The following DYSF variants were observed in gnomAD, a reference collection of about 807,000 sequenced individuals.
DYSF encodes dystrophy-associated fer-1-like 1.
DYSF carries 212 observed loss-of-function variants against 274.9 expected under a neutral mutation model. That is an observed-to-expected ratio of 0.77 (90% CI 0.69 to 0.86). The LOEUF is 0.86. DYSF is among the 40% of genes least tolerant of loss of function. The pLI is 0.00. For missense variants in DYSF, 2,666 were observed against 2,783.2 expected (o/e 0.96, Z 0.95); for synonymous variants, 1,091 against 1,078.7 (o/e 1.01, Z -0.22).
intron 52 of DYSF, among the ~76,000 whole-genome samples, chr2:71,675,415 T>C (rs2095203539): frequency 6.6e-6 from 1 of 152,170 alleles, no homozygotes; most frequent in African/African-American, 2.4e-5. Context: ...GGGAGCAGGG[T>C]GGCCTGGAGC....
At chr2:71,578,812 A>C (rs1421172990) in intron 30 of DYSF, among the ~76,000 whole-genome samples, 2 of 152,160 alleles carry the variant, frequency 1.3e-5, no homozygotes. Flanking sequence ...GTTGGAAGGC[A>C]GGCCCTGTCT....
At chr2:71,569,346 C>T (rs923588925) in intron 26 of DYSF, among the ~76,000 whole-genome samples, 1 of 152,192 alleles carries the variant, frequency 6.6e-6, no homozygotes, top group East Asian at 1.9e-4. Flanking sequence ...CTCAGATCCA[C>T]GTGGTCCTTC....
Position 71,669,747 on chromosome 2 carries a change from G to A in DYSF, c.5784+1G>A, listed in dbSNP as rs909564120. The A allele has an allele frequency of 1.9e-6, 3 of 1,614,028 alleles. No homozygotes were observed. Among genetic ancestry groups the A allele is most frequent in the Non-Finnish European group, 2.5e-6 (3 of 1,180,046 alleles). ...GCAAGTCTGTACCATTGCCAAGAAG[G>A]TCAGTGTCCTTCCGATTCCCTGTGG... On this transcript the variant is annotated splice_donor_variant, in intron 51 of 55. Coordinates refer to ENST00000410020, the MANE Select transcript of DYSF (RefSeq NM_001130987.2). LOFTEE classifies it high-confidence loss of function.
chr2:71,566,765 C>T (rs994872070), intron 24 of DYSF, among the ~76,000 whole-genome samples: 11 of 152,104 alleles, frequency 7.2e-5, no homozygotes, highest in African/African-American at 2.2e-4. Flanking sequence ...GAGGTTTCCC[C>T]GGGGCATGAC....
chr2:71,589,794 G>C, intron 31 of DYSF, 108 bp downstream of exon 31: 1 of 1,129,856 alleles, frequency 8.9e-7, no homozygotes, highest in Non-Finnish European at 1.3e-6. Flanking sequence ...CTGGGGAGCT[G>C]AGTCTCTGTG....
intron 30 of DYSF, among the ~76,000 whole-genome samples, chr2:71,587,490 A>T (rs1341414405): frequency 6.6e-6 from 1 of 152,214 alleles, no homozygotes; most frequent in Non-Finnish European, 1.5e-5. Context: ...TTTATAGTTT[A>T]TGACACGCCC....
At chr2:71,519,092 C>CAAA (rs70959240) in intron 10 of DYSF, among the ~76,000 whole-genome samples, 2,295 of 59,530 alleles carry the variant, frequency 0.039, 264 homozygotes, top group Non-Finnish European at 0.046. Flanking sequence ...CACTCCATCT[C>CAAA]AAAAAAAAAA....
At chr2:71,667,801 G>A (rs1470604658) in intron 48 of DYSF, among the ~76,000 whole-genome samples, 1 of 152,142 alleles carries the variant, frequency 6.6e-6, no homozygotes, top group Non-Finnish European at 1.5e-5. Flanking sequence ...TCATCCTGAA[G>A]CCTCTCTGTT....
upstream of DYSF, chr2:71,466,671 T>C: frequency 7.4e-7 from 1 of 1,344,506 alleles, no homozygotes; most frequent in Admixed American, 3.3e-5. Context: ...TCCGGTGTCC[T>C]CCCTGCAGCC....
chr2:71,601,528 G>A lies in DYSF; in HGVS notation c.3927G>A (p.Glu1309=). Residue 1309 remains glutamate (E), a splice_region_variant and synonymous_variant, in exon 35 of 56, where the codon GAG becomes GAA. Coordinates refer to ENST00000410020, the MANE Select transcript of DYSF (RefSeq NM_001130987.2). ...CCATCCACCATATTCCTGGTTTTGA[G>A]GTAAGTCTTGCTCTGACCTTTCCTT... ...KPAIHHIPGF[E]VQETSRILDE... 1 of 1,614,178 alleles carries A rather than the reference G, an allele frequency of 6.2e-7. No homozygotes were observed. The highest frequency in any genetic ancestry group is 8.5e-7 in the Non-Finnish European group (1 of 1,180,038).
chr2:71,598,066 C>G (rs1273459672), intron 32 of DYSF, among the ~76,000 whole-genome samples: 1 of 152,218 alleles, frequency 6.6e-6, no homozygotes, highest in Non-Finnish European at 1.5e-5. Context: ...CATTTCACTG[C>G]ATTTTATGTC....
exon 1 of DYSF, chr2:71,453,823 G>T: frequency 1.5e-6 from 1 of 686,316 alleles, no homozygotes. Flanking sequence ...GGAGCAGCCG[G>T]GGGTGGCCCG....
chr2:71,528,476 G>A lies in DYSF; in HGVS notation c.1380+75G>A, dbSNP rs2088235914. 3 of 1,281,904 alleles carry A rather than the reference G, an allele frequency of 2.3e-6. No homozygotes were observed. In the South Asian group the frequency reaches 3.7e-5, roughly 16 times the overall value. The allele number at this position is 1,281,904 out of a possible 1,614,324, so 79.4% of individuals were successfully genotyped here. On this transcript the variant is annotated intron_variant, in intron 14 of 55. Transcript: ENST00000410020. ...GCCCTGTGGACTGTGCCGGGTGAGAGCAAGACAGAGTGAGATGCCCCCACC... is the reference window on the plus strand; with the variant it reads ...GCCCTGTGGACTGTGCCGGGTGAGAACAAGACAGAGTGAGATGCCCCCACC...
chr2:71,567,172 T>G (rs2092156701), intron 24 of DYSF, among the ~76,000 whole-genome samples: 1 of 152,236 alleles, frequency 6.6e-6, no homozygotes, highest in Admixed American at 6.5e-5. Flanking sequence ...AATTTTTGTT[T>G]CATGTTGGGT....
At chr2:71,495,831 G>T (rs2084329122) in intron 3 of DYSF, among the ~76,000 whole-genome samples, 1 of 152,036 alleles carries the variant, frequency 6.6e-6, no homozygotes, top group Non-Finnish European at 1.5e-5. Context: ...AGGCGTGGAG[G>T]CAGGGCCCTA....
At chr2:71,566,950 G>A (rs537729165) in intron 24 of DYSF, among the ~76,000 whole-genome samples, 16 of 152,266 alleles carry the variant, frequency 1.1e-4, no homozygotes, top group African/African-American at 3.4e-4. Context: ...CCTGACCAGC[G>A]TGGGACCCCT....
intron 55 of DYSF, among the ~76,000 whole-genome samples, chr2:71,685,046 A>G (rs1010449581): frequency 2.0e-5 from 3 of 152,140 alleles, no homozygotes; most frequent in African/African-American, 7.2e-5. Flanking sequence ...TGCCAGCTGC[A>G]CCCTGCACTG....
At chr2:71,453,881 C>A in exon 1 of DYSF, 1 of 1,009,576 alleles carries the variant, frequency 9.9e-7, no homozygotes, top group Admixed American at 2.0e-5. Flanking sequence ...GAGATTCGAG[C>A]CGGCCTCGCC....
chr2:71,601,377 C>G (rs1237774982), intron 34 of DYSF, 122 bp from the exon 35 acceptor site: 1 of 1,339,670 alleles, frequency 7.5e-7, no homozygotes, highest in Admixed American at 1.7e-5. Flanking sequence ...CTTCTACCCT[C>G]AAGGAATAGA....
Sources: allele counts gnomAD v4.1 joint callset (sites outside exome capture counted in the v4.1 genomes callset), GRCh38; gene constraint gnomAD v4.1.1; transcripts MANE v1.5; gene names NCBI Gene and HGNC (gene_info 2026-07-23, HGNC 2026-07-21).